CCDC198: variants seen among roughly 807,000 people sequenced by gnomAD.
CCDC198 encodes the protein factor associated with metabolism and energy.
Under a neutral mutation model 35.6 loss-of-function variants are expected in CCDC198, and 18 were observed. The observed-to-expected ratio is 0.51, with a 90% confidence interval of 0.35 to 0.75. The LOEUF (loss-of-function observed/expected upper bound fraction) is 0.75. Ranked by LOEUF, CCDC198 falls within the 30% of genes least tolerant of loss-of-function variation. CCDC198 has a pLI of 0.01. For missense variants in CCDC198, 365 were observed against 343.7 expected, an observed-to-expected ratio of 1.06 and a Z score of -0.49; for synonymous variants, 119 against 113.4, an observed-to-expected ratio of 1.05 and a Z score of -0.31.
Position 57,475,824 on chromosome 14 carries a change from C to CAGAG in CCDC198, c.656-4238_656-4235dup, listed in dbSNP as rs1168941631. ...TTTTTTTTTTTTTTTTTTTTTGAGA[C>CAGAG]AGAGTCTCTCTCTGTCGACCAGGTT... On this transcript the variant is annotated intron_variant, in intron 5 of 5. Coordinates refer to ENST00000216445, the MANE Select transcript of CCDC198 (RefSeq NM_018168.4). The CAGAG allele has an allele frequency of 1.7e-5, 4 of 230,434 alleles. No individual in the cohort carries two copies. In the Admixed American group the frequency reaches 3.1e-4, roughly 18 times the overall value. The allele number at this position is 230,434 out of a possible 1,614,324, so 14.3% of individuals were successfully genotyped here.
intron 5 of CCDC198, chr14:57,475,322 A>C (rs2066947184): frequency 1.1e-6 from 1 of 934,214 alleles, no homozygotes; most frequent in East Asian, 1.2e-4. Flanking sequence ...AATAAAATAA[A>C]ACAAGATTCT....
intron 5 of CCDC198, among the ~76,000 whole-genome samples, chr14:57,471,836 A>G (rs1041930943): frequency 6.6e-6 from 1 of 151,436 alleles, no homozygotes; most frequent in East Asian, 1.9e-4. Flanking sequence ...ATAATACAAC[A>G]CACACCTATA....
chr14:57,475,647 C>T (rs761834304), intron 5 of CCDC198: 10 of 392,168 alleles, frequency 2.5e-5, no homozygotes, highest in Non-Finnish European at 3.5e-5. Flanking sequence ...GCGAAGTTTG[C>T]GGTGAGCCGA....
chr14:57,483,114 G>A lies in CCDC198; in HGVS notation c.344C>T (p.Ser115Leu). 1.2e-6 allele frequency: 2 copies of A among 1,614,056 alleles called. No individual in the cohort carries two copies. The highest frequency in any genetic ancestry group is 1.7e-6 in the Non-Finnish European group (2 of 1,179,976). The change falls in exon 3 of 6, where the codon TCA becomes TTA. Residue 115 changes from serine (S) to leucine (L), a missense_variant. By Grantham distance (145) the Ser-to-Leu change is moderately radical. Coordinates refer to ENST00000216445, the MANE Select transcript of CCDC198 (RefSeq NM_018168.4). The stretch of plus-strand genomic sequence containing the variant: ...TTCTCGCTGGCTCAGGAGTCTTCCT[G>A]AAGTAATTACTCGTGGCAAGTCAAT... ...EPIDLPRVITSGRLLSQREAR... is the reference protein window; with the variant it reads ...EPIDLPRVITLGRLLSQREAR...
chr14:57,483,111 C>T lies in CCDC198; in HGVS notation c.347G>A (p.Gly116Glu), dbSNP rs777436221. The change falls in exon 3 of 6, where the codon GGA becomes GAA. Residue 116 changes from glycine to glutamate, a missense_variant. Transcript: ENST00000216445. ...PIDLPRVITS[G>E]RLLSQREART... ...GGCTTCTCGCTGGCTCAGGAGTCTT[C>T]CTGAAGTAATTACTCGTGGCAAGTC... 3.1e-6 allele frequency: 5 copies of T among 1,613,930 alleles called. No individual in the cohort carries two copies. Among genetic ancestry groups the T allele is most frequent in the East Asian group, 4.5e-5 (2 of 44,894 alleles).
chr14:57,471,330 G>A lies in CCDC198; in HGVS notation c.*25C>T, dbSNP rs780639698. On this transcript the variant is annotated 3_prime_UTR_variant, in exon 6 of 6. Transcript: ENST00000216445. ...GTAAAACAAGCTTTCAAAGCACTCA[G>A]TTTCTAGGTTAATGAATAGTATTCT... The A allele has an allele frequency of 1.3e-6, 2 of 1,558,560 alleles. No homozygotes were observed. Among genetic ancestry groups the A allele is most frequent in the Admixed American group, 3.5e-5 (2 of 57,720 alleles).
rs2067648635 is a variant in CCDC198 at position 57,493,540 on chromosome 14, C to A, written c.176G>T (p.Gly59Val). The A allele has an allele frequency of 6.2e-7, 1 of 1,613,818 alleles. No homozygotes were observed. The highest frequency in any genetic ancestry group is 8.5e-7 in the Non-Finnish European group (1 of 1,179,918). ...GTTTTCTTGTAAAGGTGGCAGCTGCCCTTCCAAGGCTTTATTCTGGTCCTG... is the reference window on the plus strand; with the variant it reads ...GTTTTCTTGTAAAGGTGGCAGCTGCACTTCCAAGGCTTTATTCTGGTCCTG... ...RLQDQNKALE[G>V]QLPPLQENWY... is the part of the protein sequence containing the mutation. Residue 59 changes from glycine (G) to valine (V), a missense_variant, in exon 1 of 6, where the codon GGG becomes GTG. Physicochemically the swap from Gly to Val is moderately radical, Grantham distance 109. Transcript: ENST00000216445.
Position 57,482,572 on chromosome 14 carries a change from C to T in CCDC198, c.393+493G>A, listed in dbSNP as rs529407653. 5.9e-5 allele frequency among the ~76,000 whole-genome samples: 9 copies of T among 152,244 alleles called. No individual in the cohort carries two copies. In the South Asian group the frequency reaches 1.0e-3, roughly 18 times the overall value. ...GTGAGGGGAGTTCTAGTCAACAGAACATTATAAGTGCATAGCAGGGAAAAG... is the reference window on the plus strand; with the variant it reads ...GTGAGGGGAGTTCTAGTCAACAGAATATTATAAGTGCATAGCAGGGAAAAG... On this transcript the variant is annotated intron_variant, in intron 3 of 5. Transcript: ENST00000216445.
chr14:57,480,859 A>T, intron 4 of CCDC198, 105 bp from the exon 5 acceptor site: 1 of 1,103,356 alleles, frequency 9.1e-7, no homozygotes, highest in Non-Finnish European at 1.3e-6. Context: ...ATCTGTAGAC[A>T]TCTGCAGTCC....
intron 5 of CCDC198, among the ~76,000 whole-genome samples, chr14:57,477,912 G>A (rs1283679375): frequency 1.3e-5 from 2 of 152,128 alleles, no homozygotes; most frequent in South Asian, 2.1e-4. Context: ...TGGCCAAGCT[G>A]ATCTCGAACC....
At chr14:57,488,726 A>G (rs2067456490) in intron 2 of CCDC198, among the ~76,000 whole-genome samples, 1 of 152,238 alleles carries the variant, frequency 6.6e-6, no homozygotes, top group South Asian at 2.1e-4. Flanking sequence ...GGACATGAAC[A>G]GACACTTCTC....
At chr14:57,477,187 A>G (rs1161985708) in intron 5 of CCDC198, among the ~76,000 whole-genome samples, 3 of 152,214 alleles carry the variant, frequency 2.0e-5, no homozygotes, top group Non-Finnish European at 4.4e-5. Context: ...TGTATCCATT[A>G]TTATCCCAGT....
chr14:57,476,175 CA>C (rs553706195), intron 5 of CCDC198, among the ~76,000 whole-genome samples: 240 of 152,234 alleles, frequency 1.6e-3, no homozygotes, highest in African/African-American at 5.1e-3. Context: ...ACATGGTATA[CA>C]ATAACTTTAT....
chr14:57,473,486 T>C (rs1016313759), intron 5 of CCDC198, among the ~76,000 whole-genome samples: 3 of 152,188 alleles, frequency 2.0e-5, no homozygotes, highest in Non-Finnish European at 1.5e-5. Context: ...CTACCTGGCC[T>C]CCTTACCCTC....
In CCDC198 at chr14:57,487,783, G is replaced by A. The variant is rs575087884; in HGVS notation, c.306+3206C>T. Among the ~76,000 whole-genome samples the A allele has an allele frequency of 3.0e-4, 45 of 152,210 alleles. 1 individual carries two copies. The South Asian group carries it at 9.4e-3, about 32-fold the overall frequency. On this transcript the variant is annotated intron_variant, in intron 2 of 5. Transcript: ENST00000216445. ...TAGAATTTTCTTTGGCAGAAATTAG[G>A]CTATTAATTAGCATGTCATGAGGAC...
chr14:57,481,454 A>T, intron 4 of CCDC198, 105 bp downstream of exon 4: 1 of 755,796 alleles, frequency 1.3e-6, no homozygotes, highest in Non-Finnish European at 2.2e-6. Flanking sequence ...GACGAAATTT[A>T]AAATGCTAAG....
At chr14:57,484,997 G>C (rs1349649293) in intron 2 of CCDC198, among the ~76,000 whole-genome samples, 2 of 152,174 alleles carry the variant, frequency 1.3e-5, no homozygotes, top group African/African-American at 4.8e-5. Context: ...ATTATGGTTA[G>C]TAAAGGGGAG....
chr14:57,487,199 A>C (rs578096143), intron 2 of CCDC198, among the ~76,000 whole-genome samples: 59 of 152,290 alleles, frequency 3.9e-4, no homozygotes, highest in Non-Finnish European at 6.8e-4. Context: ...TTAGAATGAC[A>C]CCTTATTTTC....
At chr14:57,486,058 A>G (rs999153716) in intron 2 of CCDC198, among the ~76,000 whole-genome samples, 1 of 152,094 alleles carries the variant, frequency 6.6e-6, no homozygotes, top group African/African-American at 2.4e-5. Flanking sequence ...GAAGGAGAAG[A>G]AGGGGAGGGG....
Sources: allele counts gnomAD v4.1 joint callset (sites outside exome capture counted in the v4.1 genomes callset), GRCh38; gene constraint gnomAD v4.1.1; transcripts MANE v1.5; gene names NCBI Gene and HGNC (gene_info 2026-07-23, HGNC 2026-07-21).